The following STXBP3 variants were observed in gnomAD, a reference collection of about 807,000 sequenced individuals.
The protein encoded by STXBP3 is syntaxin-binding protein 3.
STXBP3 carries 41 observed loss-of-function variants against 85.7 expected under a neutral mutation model. That is an observed-to-expected ratio of 0.48 (90% CI 0.37 to 0.62). The LOEUF (loss-of-function observed/expected upper bound fraction) is 0.62, where lower values mean the gene tolerates loss of function less well. STXBP3 is among the 20% of genes least tolerant of loss of function. The pLI is 0.00. For missense variants in STXBP3, 563 were observed against 703.1 expected, an observed-to-expected ratio of 0.80 and a Z score of 2.25; for synonymous variants, 229 against 231.7, an observed-to-expected ratio of 0.99 and a Z score of 0.10.
chr1:108,802,870 T>C (rs1377548568), intron 17 of STXBP3, among the ~76,000 whole-genome samples: 1 of 152,238 alleles, frequency 6.6e-6, no homozygotes, highest in Admixed American at 6.5e-5. Flanking sequence ...CCTGCTTTTT[T>C]GTTTCTGTCA....
At chr1:108,769,365 A>G (rs1478886546) in intron 6 of STXBP3, among the ~76,000 whole-genome samples, 2 of 152,170 alleles carry the variant, frequency 1.3e-5, no homozygotes, top group African/African-American at 2.4e-5. Context: ...AAATCTGCAT[A>G]TAAGTGGACC....
chr1:108,795,168 A>G (rs1286184689), intron 13 of STXBP3, among the ~76,000 whole-genome samples: 2 of 152,142 alleles, frequency 1.3e-5, no homozygotes, highest in Admixed American at 1.3e-4. Context: ...TTTTGGGAGC[A>G]TGATTTCAGG....
chr1:108,800,092 A>G, intron 16 of STXBP3, 128 bp from the exon 17 acceptor site: 2 of 668,238 alleles, frequency 3.0e-6, no homozygotes, highest in South Asian at 1.7e-5. Context: ...TTCAAAGAAA[A>G]GACTAATCTT....
At position 108,808,888 on chromosome 1, in the gene STXBP3, T is replaced by C; in HGVS notation, c.*11T>C. 6.4e-7 allele frequency: 1 copy of C among 1,574,282 alleles called. No individual in the cohort carries two copies. Among genetic ancestry groups the C allele is most frequent in the Non-Finnish European group, 8.7e-7 (1 of 1,151,406 alleles). On this transcript the variant is annotated 3_prime_UTR_variant, in exon 19 of 19. Transcript: ENST00000370008. ...ATTAAAGATGAATAGCATTTCTTTT[T>C]GGAGGGTTTAGAGATTCTTACTAAT...
chr1:108,769,133 C>G (rs1662328947), intron 6 of STXBP3, among the ~76,000 whole-genome samples: 1 of 151,812 alleles, frequency 6.6e-6, no homozygotes, highest in Non-Finnish European at 1.5e-5. Context: ...ACAAAGTAAG[C>G]TAGAGAAAAG....
chr1:108,759,954 A>G (rs1662102516), intron 5 of STXBP3, 31 bp from the exon 6 acceptor site: 1 of 1,301,662 alleles, frequency 7.7e-7, no homozygotes, highest in Non-Finnish European at 1.1e-6. Context: ...ATCTAGATGT[A>G]ACTATATGCT....
chr1:108,782,866 C>T (rs1662745355), intron 11 of STXBP3, among the ~76,000 whole-genome samples, 160 bp downstream of exon 11: 1 of 152,084 alleles, frequency 6.6e-6, no homozygotes, highest in African/African-American at 2.4e-5. Context: ...CAATAGTTAA[C>T]AACATTTTTG....
chr1:108,768,965 G>A (rs1662324663), intron 6 of STXBP3, among the ~76,000 whole-genome samples: 1 of 152,098 alleles, frequency 6.6e-6, no homozygotes, highest in Non-Finnish European at 1.5e-5. Flanking sequence ...TAACATAGGG[G>A]TTAGGGGCAC....
chr1:108,753,187 G>A, intron 3 of STXBP3, 43 bp downstream of exon 3: 1 of 1,392,894 alleles, frequency 7.2e-7, no homozygotes, highest in Non-Finnish European at 9.7e-7. Flanking sequence ...ATTGTAATTG[G>A]GGGAGATCTG....
At chr1:108,784,987 C>G (rs1039019381) in intron 11 of STXBP3, among the ~76,000 whole-genome samples, 1 of 152,182 alleles carries the variant, frequency 6.6e-6, no homozygotes, top group African/African-American at 2.4e-5. Flanking sequence ...CAGCTCTGCC[C>G]CTGTGGCTTT....
intron 12 of STXBP3, 96 bp from the exon 13 acceptor site, chr1:108,794,731 C>A: frequency 1.0e-6 from 1 of 995,572 alleles, no homozygotes. Context: ...CACCTCAGCC[C>A]ATACTTTCTT....
At chr1:108,798,968 G>C (rs923417165) in intron 16 of STXBP3, among the ~76,000 whole-genome samples, 1 of 152,184 alleles carries the variant, frequency 6.6e-6, no homozygotes, top group Admixed American at 6.5e-5. Context: ...TTTGCTGTCA[G>C]ATGAATCATG....
intron 11 of STXBP3, among the ~76,000 whole-genome samples, chr1:108,792,461 T>C (rs1482014320): frequency 1.3e-5 from 2 of 152,218 alleles, no homozygotes; most frequent in East Asian, 1.9e-4. Context: ...GATCAAATCA[T>C]TGTATTTAGA....
At chr1:108,807,112 C>G (rs964967686) in intron 17 of STXBP3, among the ~76,000 whole-genome samples, 1 of 152,014 alleles carries the variant, frequency 6.6e-6, no homozygotes, top group African/African-American at 2.4e-5. Flanking sequence ...ATTAGCTGGG[C>G]ATGGTGGCAC....
intron 7 of STXBP3, among the ~76,000 whole-genome samples, chr1:108,775,036 C>G (rs1662556909): frequency 6.6e-6 from 1 of 151,832 alleles, no homozygotes; most frequent in South Asian, 2.1e-4. Flanking sequence ...AATGAAGTTT[C>G]TTTCTTTTGA....
intron 7 of STXBP3, among the ~76,000 whole-genome samples, chr1:108,774,640 CTTTT>C (rs11290690): frequency 1.7e-3 from 158 of 92,572 alleles, no homozygotes; most frequent in African/African-American, 5.0e-3. Flanking sequence ...TCTTTCTTTC[CTTTT>C]TTTTTTTTTT....
intron 6 of STXBP3, among the ~76,000 whole-genome samples, chr1:108,769,089 A>G (rs1662327174): frequency 2.8e-5 from 2 of 71,854 alleles, no homozygotes; most frequent in South Asian, 7.1e-4. Flanking sequence ...CAATAGAATA[A>G]CACATATTTT....
chr1:108,804,481 T>G (rs1054205028), intron 17 of STXBP3, among the ~76,000 whole-genome samples: 1 of 152,214 alleles, frequency 6.6e-6, no homozygotes, highest in African/African-American at 2.4e-5. Context: ...TCTAATAAAT[T>G]CACTAATTTA....
chr1:108,787,166 A>C (rs1662849472), intron 11 of STXBP3, among the ~76,000 whole-genome samples: 1 of 152,030 alleles, frequency 6.6e-6, no homozygotes, highest in African/African-American at 2.4e-5. Flanking sequence ...TGTTTTTAAG[A>C]GATCGGAACT....
Sources: gnomAD v4.1 joint callset for allele counts (sites outside exome capture counted in the v4.1 genomes callset) on GRCh38, gnomAD v4.1.1 for gene constraint, MANE v1.5 for transcripts, NCBI Gene and HGNC (gene_info 2026-07-23, HGNC 2026-07-21) for gene names.